PTPRD: variants seen among roughly 807,000 people sequenced by gnomAD.
PTPRD encodes receptor-type tyrosine-protein phosphatase delta.
PTPRD carries 34 observed loss-of-function variants against 214.5 expected under a neutral mutation model. The observed-to-expected ratio is 0.16, with a 90% confidence interval of 0.12 to 0.21. The LOEUF is 0.21. Ranked by LOEUF, PTPRD falls within the 10% of genes least tolerant of loss-of-function variation. The pLI is 1.00. For synonymous variants in PTPRD, 1,128 were observed against 845.7 expected, an observed-to-expected ratio of 1.33 and a Z score of -5.79; for missense variants, 2,545 against 2,398.7, an observed-to-expected ratio of 1.06 and a Z score of -1.27.
intron 7 of PTPRD, among the ~76,000 whole-genome samples, chr9:9,710,953 A>AGAGC (rs1038202759): frequency 2.6e-5 from 4 of 152,114 alleles, no homozygotes; most frequent in African/African-American, 7.2e-5. Flanking sequence ...TCCTAGTCTG[A>AGAGC]GAGCGAGCGA....
chr9:8,948,924 GA>G (rs1234758332), intron 11 of PTPRD, among the ~76,000 whole-genome samples: 1 of 151,822 alleles, frequency 6.6e-6, no homozygotes, highest in African/African-American at 2.4e-5. Flanking sequence ...ACGGTTGTAA[GA>G]ATAGTATAGT....
At chr9:10,179,472 C>A (rs1322003021) in intron 3 of PTPRD, among the ~76,000 whole-genome samples, 2 of 151,802 alleles carry the variant, frequency 1.3e-5, no homozygotes, top group African/African-American at 4.8e-5. Context: ...AAATATAGTC[C>A]TAAATGTCCA....
intron 8 of PTPRD, among the ~76,000 whole-genome samples, chr9:9,500,696 A>G (rs2096382001): frequency 6.6e-6 from 1 of 152,154 alleles, no homozygotes; most frequent in Admixed American, 6.6e-5. Context: ...AAGAAGAAAT[A>G]AAGAAGACTG....
intron 33 of PTPRD, among the ~76,000 whole-genome samples, chr9:8,455,724 G>A (rs547209958): frequency 7.2e-5 from 11 of 152,138 alleles, no homozygotes; most frequent in Admixed American, 3.9e-4. Flanking sequence ...AGTGATTTAC[G>A]TAGTGTGCCA....
At chr9:9,209,146 A>C (rs1194773215) in intron 9 of PTPRD, among the ~76,000 whole-genome samples, 2 of 152,104 alleles carry the variant, frequency 1.3e-5, no homozygotes, top group African/African-American at 2.4e-5. Context: ...CCCACCAATG[A>C]TGTAGTTTCA....
At chr9:9,876,713 A>T (rs1004543529) in intron 5 of PTPRD, among the ~76,000 whole-genome samples, 6 of 152,174 alleles carry the variant, frequency 3.9e-5, no homozygotes, top group African/African-American at 1.4e-4. Context: ...AATTTGCTTT[A>T]TACAAATTCT....
intron 2 of PTPRD, among the ~76,000 whole-genome samples, chr9:10,581,509 G>A (rs2071796608): frequency 6.6e-6 from 1 of 152,122 alleles, no homozygotes; most frequent in Admixed American, 6.5e-5. Flanking sequence ...AAGTTCTTGA[G>A]GTAATATTCA....
intron 9 of PTPRD, among the ~76,000 whole-genome samples, chr9:9,277,296 C>T (rs1946026557): frequency 6.6e-6 from 1 of 151,430 alleles, no homozygotes. Flanking sequence ...AAATGCCAAT[C>T]TGTAAGAATT....
At chr9:9,767,623 G>A (rs1555013048) in intron 5 of PTPRD, among the ~76,000 whole-genome samples, 1 of 152,008 alleles carries the variant, frequency 6.6e-6, no homozygotes, top group East Asian at 1.9e-4. Context: ...TCAATTAAAT[G>A]TAGAAGGAAA....
chr9:8,410,516 C>A (rs1267337729), intron 35 of PTPRD, among the ~76,000 whole-genome samples: 2 of 152,142 alleles, frequency 1.3e-5, no homozygotes, highest in African/African-American at 2.4e-5. Flanking sequence ...TCTGTAAGAG[C>A]ACCTCTGATC....
intron 3 of PTPRD, among the ~76,000 whole-genome samples, chr9:10,275,426 A>G (rs1413850467): frequency 6.8e-6 from 1 of 148,040 alleles, no homozygotes; most frequent in African/African-American, 2.7e-5. Flanking sequence ...GAGAGGGATG[A>G]GAGAGAGAAA....
chr9:9,367,546 C>T (rs1333116), intron 9 of PTPRD, among the ~76,000 whole-genome samples: 36,493 of 151,204 alleles, frequency 0.24, 5,722 homozygotes, highest in African/African-American at 0.43. Context: ...AGGATCTGTA[C>T]TGTTCAACTG....
At chr9:8,800,643 T>C (rs12350027) in intron 11 of PTPRD, among the ~76,000 whole-genome samples, 14,092 of 152,202 alleles carry the variant, frequency 0.093, 1,696 homozygotes, top group African/African-American at 0.28. Context: ...TGTTTAACAT[T>C]ACATCAAGAA....
intron 2 of PTPRD, among the ~76,000 whole-genome samples, chr9:10,439,208 T>C (rs1474082717): frequency 1.3e-5 from 2 of 150,672 alleles, no homozygotes; most frequent in Non-Finnish European, 2.9e-5. Flanking sequence ...GACTCCGGCA[T>C]GTTTTGTGTC....
rs553623435 is a variant in PTPRD, at chr9:9,250,972, T to C, written c.-202-67609A>G. Among the ~76,000 whole-genome samples the C allele has an allele frequency of 2.6e-5, 4 of 152,230 alleles. No individual in the cohort carries two copies. The East Asian group carries it at 7.8e-4, about 30-fold the overall frequency. ...GTTCAGCTTTCCTGATCAGAAAGCA[T>C]GAACCAGCTTAAGAAATGTATTACA... On this transcript the variant is annotated intron_variant, in intron 9 of 45. Transcript: ENST00000381196.
At chr9:8,406,503 T>G (rs1417783001) in intron 35 of PTPRD, among the ~76,000 whole-genome samples, 1 of 152,246 alleles carries the variant, frequency 6.6e-6, no homozygotes, top group Non-Finnish European at 1.5e-5. Context: ...GCTGCCTGTT[T>G]AATAACTTCC....
intron 10 of PTPRD, among the ~76,000 whole-genome samples, chr9:9,047,697 G>A (rs1216174707): frequency 3.3e-5 from 5 of 152,104 alleles, no homozygotes; most frequent in Non-Finnish European, 7.4e-5. Context: ...ATATCCATAT[G>A]CAGAAGAATT....
chr9:8,723,903 T>C (rs1052383598), intron 12 of PTPRD, among the ~76,000 whole-genome samples: 1 of 152,230 alleles, frequency 6.6e-6, no homozygotes, highest in Non-Finnish European at 1.5e-5. Context: ...AAGTACTTAG[T>C]GTATCTTAAA....
At chr9:8,739,955 C>T (rs184162717) in intron 11 of PTPRD, among the ~76,000 whole-genome samples, 340 of 152,262 alleles carry the variant, frequency 2.2e-3, no homozygotes, top group Non-Finnish European at 3.9e-3. Context: ...TGTGAGGCGT[C>T]CCCAGCCATG....
Sources: allele counts gnomAD v4.1 joint callset (sites outside exome capture counted in the v4.1 genomes callset), GRCh38; gene constraint gnomAD v4.1.1; transcripts MANE v1.5; gene names NCBI Gene and HGNC (gene_info 2026-07-23, HGNC 2026-07-21).